Variants in IL1RAPL1 observed in about 807,000 individuals in gnomAD.
IL1RAPL1 encodes the protein interleukin-1 receptor accessory protein-like 1.
In IL1RAPL1, 3 loss-of-function variants were observed where a neutral mutation model predicts 48.4. The ratio of observed to expected loss-of-function variants is 0.06; its 90% CI spans 0.03 to 0.16. IL1RAPL1 has a LOEUF of 0.16. IL1RAPL1 is among the 10% of genes least tolerant of loss of function. The pLI, the probability that IL1RAPL1 is intolerant of heterozygous loss-of-function variation, is 1.00. For missense variants in IL1RAPL1, 349 were observed against 530.6 expected (o/e 0.66, Z 3.36); for synonymous variants, 185 against 187.7 (o/e 0.99, Z 0.12).
chrX:29,210,267 T>C (rs761863368), intron 2 of IL1RAPL1, among the ~76,000 whole-genome samples: 72 of 112,301 alleles, frequency 6.4e-4, no homozygotes, highest in African/African-American at 2.1e-3. Context: ...ATGACGCTTC[T>C]AAACCTGTCA....
intron 2 of IL1RAPL1, among the ~76,000 whole-genome samples, chrX:29,244,797 C>CT (rs1283287793): frequency 9.0e-6 from 1 of 111,301 alleles, no homozygotes; most frequent in African/African-American, 3.3e-5. Flanking sequence ...GAACTTTCAT[C>CT]TTTTTTTTCA....
intron 2 of IL1RAPL1, among the ~76,000 whole-genome samples, chrX:28,982,215 G>T (rs975448555): frequency 1.8e-5 from 2 of 111,914 alleles, no homozygotes; most frequent in African/African-American, 3.3e-5. Flanking sequence ...TGAATTTACA[G>T]TTGTTTTCCA....
chrX:29,540,849 A>G (rs7050464), intron 5 of IL1RAPL1, among the ~76,000 whole-genome samples: 4,252 of 111,856 alleles, frequency 0.038, 250 homozygotes, highest in African/African-American at 0.13. Context: ...ACTAGGAAAC[A>G]CCATTCTGGA....
intron 2 of IL1RAPL1, among the ~76,000 whole-genome samples, chrX:28,848,284 A>G (rs1371338169): frequency 9.0e-6 from 1 of 111,556 alleles, no homozygotes; most frequent in Non-Finnish European, 1.9e-5. Flanking sequence ...TACCTATGTA[A>G]CAAACCTGCA....
At chrX:29,312,293 G>GA (rs1932737040) in intron 3 of IL1RAPL1, among the ~76,000 whole-genome samples, 1 of 110,981 alleles carries the variant, frequency 9.0e-6, no homozygotes, top group Non-Finnish European at 1.9e-5. Flanking sequence ...TACAAAAAAA[G>GA]AAAAAAATTA....
At chrX:29,676,482 A>G (rs1926288009) in intron 6 of IL1RAPL1, among the ~76,000 whole-genome samples, 1 of 111,947 alleles carries the variant, frequency 8.9e-6, no homozygotes, top group Non-Finnish European at 1.9e-5. Context: ...CAATATGCAT[A>G]CTAAATTTTT....
chrX:29,696,365 G>GTCATA (rs1926913309), intron 6 of IL1RAPL1, among the ~76,000 whole-genome samples: 1 of 111,884 alleles, frequency 8.9e-6, no homozygotes, highest in African/African-American at 3.3e-5. Context: ...CTAAACTGTG[G>GTCATA]CAGAATTTTG....
At chrX:28,710,914 A>G (rs746336968) in intron 1 of IL1RAPL1, among the ~76,000 whole-genome samples, 50 of 112,199 alleles carry the variant, frequency 4.5e-4, no homozygotes, top group Non-Finnish European at 9.2e-4. Context: ...ATATTGAACG[A>G]CAGGTATAGA....
intron 5 of IL1RAPL1, among the ~76,000 whole-genome samples, chrX:29,553,934 T>C (rs1416471960): frequency 2.7e-5 from 3 of 111,044 alleles, no homozygotes; most frequent in Middle Eastern, 9.2e-3. Context: ...GCCTTTTTTT[T>C]TTTTTTATTC....
intron 6 of IL1RAPL1, among the ~76,000 whole-genome samples, chrX:29,725,550 G>A (rs1387685925): frequency 1.8e-5 from 2 of 110,982 alleles, no homozygotes; most frequent in Non-Finnish European, 3.8e-5. Context: ...TTCTTAAATT[G>A]GAATGTCTCC....
chrX:29,228,213 CACACA>C (rs1931121320), intron 2 of IL1RAPL1, among the ~76,000 whole-genome samples: 1 of 74,453 alleles, frequency 1.3e-5, no homozygotes, highest in Admixed American at 1.4e-4. Context: ...CACACACACA[CACACA>C]CACACAACTG....
At chrX:29,296,939 G>C (rs901458589) in intron 3 of IL1RAPL1, among the ~76,000 whole-genome samples, 5 of 111,543 alleles carry the variant, frequency 4.5e-5, no homozygotes, top group African/African-American at 1.6e-4. Context: ...CTGACTTTCA[G>C]GCAAGTATCC....
chrX:29,922,435 T>C (rs932187452), intron 8 of IL1RAPL1, among the ~76,000 whole-genome samples: 2 of 111,695 alleles, frequency 1.8e-5, no homozygotes, highest in Non-Finnish European at 3.8e-5. Flanking sequence ...CAAAAAAAGG[T>C]CCTTCCAAGA....
chrX:29,216,751 A>G (rs150240943), intron 2 of IL1RAPL1, among the ~76,000 whole-genome samples: 350 of 111,731 alleles, frequency 3.1e-3, no homozygotes, highest in African/African-American at 0.011. Context: ...GCCTGTCACA[A>G]CTCCATAGGT....
rs925114631 is a variant in IL1RAPL1 at position 29,187,449 on chromosome X, G to A, written c.83-95489G>A. ...AAAACTCCCCAAACCCCAATTCTGA[G>A]GGTGTGGCATGAAAAAGGTCAGATG... On this transcript the variant is annotated intron_variant, in intron 2 of 10. Coordinates refer to ENST00000378993, the MANE Select transcript of IL1RAPL1 (RefSeq NM_014271.4). 1.3e-4 allele frequency among the ~76,000 whole-genome samples: 14 copies of A among 111,065 alleles called. 1 individual carries two copies. The highest frequency in any genetic ancestry group is 1.3e-4 in the Non-Finnish European group (7 of 53,014).
At chrX:29,251,348 A>G (rs1355570177) in intron 2 of IL1RAPL1, among the ~76,000 whole-genome samples, 1 of 111,665 alleles carries the variant, frequency 9.0e-6, no homozygotes. Flanking sequence ...ACAAACCGAC[A>G]AACACAAAAT....
At chrX:29,022,680 GA>G (rs1200031575) in intron 2 of IL1RAPL1, among the ~76,000 whole-genome samples, 1 of 111,352 alleles carries the variant, frequency 9.0e-6, no homozygotes, top group African/African-American at 3.3e-5. Flanking sequence ...ATATTTCTCT[GA>G]AAAGGACTTA....
chrX:29,882,115 G>A (rs1191041045), intron 6 of IL1RAPL1, among the ~76,000 whole-genome samples: 1 of 111,481 alleles, frequency 9.0e-6, no homozygotes, highest in South Asian at 3.7e-4. Context: ...TTTTCTCTAA[G>A]CAGCTGAAAA....
intron 2 of IL1RAPL1, among the ~76,000 whole-genome samples, chrX:29,256,836 C>T (rs1388797678): frequency 3.6e-5 from 4 of 111,456 alleles, no homozygotes; most frequent in African/African-American, 1.3e-4. Flanking sequence ...GAAAACAGCT[C>T]TATACAGTGG....
Sources: allele counts gnomAD v4.1 joint callset (sites outside exome capture counted in the v4.1 genomes callset), GRCh38; gene constraint gnomAD v4.1.1; transcripts MANE v1.5; gene names NCBI Gene and HGNC (gene_info 2026-07-23, HGNC 2026-07-21).